GK2: variants seen among roughly 807,000 people sequenced by gnomAD.
The protein encoded by GK2 is glycerol kinase 2.
In GK2, 10 loss-of-function variants were observed where a neutral mutation model predicts 9.5. That is an observed-to-expected ratio of 1.05 (90% CI 0.65 to 1.78). The LOEUF is 1.78. GK2 is among the 40% of genes most tolerant of loss of function. The probability of loss-of-function intolerance (pLI) is 0.00; values close to 1 mark genes in which losing one functional copy is unlikely to be tolerated. For missense variants in GK2, 643 were observed against 669.0 expected (o/e 0.96, Z 0.43); for synonymous variants, 228 against 229.9 (o/e 0.99, Z 0.07).
Position 79,406,489 on chromosome 4 carries a change from G to T in GK2, c.*50C>A. ...ATATTAAGAGGCAGAACTGCTATAT[G>T]CTTTCATTATGTAAAATGTTTACAT... On this transcript the variant is annotated 3_prime_UTR_variant, in exon 1 of 1. Coordinates refer to ENST00000358842, the MANE Select transcript of GK2 (RefSeq NM_033214.3). 9.0e-7 allele frequency: 1 copy of T among 1,110,952 alleles called. No individual in the cohort carries two copies. The highest frequency in any genetic ancestry group is 1.3e-6 in the Non-Finnish European group (1 of 746,938). The allele number at this position is 1,110,952 out of a possible 1,614,324, so 68.8% of individuals were successfully genotyped here. A position where few individuals can be genotyped will look rare whatever the true frequency, so the allele number is the denominator to read the frequency against.
At position 79,406,701 on chromosome 4, in the gene GK2, A is replaced by G; in HGVS notation, c.1500T>C (p.Tyr500=). 2 of 1,614,216 alleles carry G rather than the reference A, an allele frequency of 1.2e-6. No homozygotes were observed. Among genetic ancestry groups the G allele is most frequent in the Middle Eastern group, 1.6e-4 (1 of 6,062 alleles). The change falls in exon 1 of 1, where the codon TAT becomes TAC. Residue 500 remains tyrosine, a synonymous_variant. Coordinates refer to ENST00000358842, the MANE Select transcript of GK2 (RefSeq NM_033214.3). ...QIQATESEIR[Y]ATWKKAVMKS... ...TCATTACGGCTTTCTTCCATGTGGCATAACGAATTTCACTTTCTGTGGCCT... is the reference window on the plus strand; with the variant it reads ...TCATTACGGCTTTCTTCCATGTGGCGTAACGAATTTCACTTTCTGTGGCCT...
At position 79,407,084 on chromosome 4, in the gene GK2, C is replaced by T; in HGVS notation, c.1117G>A (p.Glu373Lys). 1 of 1,614,102 alleles carries T rather than the reference C, an allele frequency of 6.2e-7. No individual in the cohort carries two copies. Among genetic ancestry groups the T allele is most frequent in the Middle Eastern group, 1.6e-4 (1 of 6,062 alleles). ...CAGAGTATCCCTCTTGCACTGGGCT[C>T]CCAATAAGGTGCATATAACCCTGAA... is the stretch of plus-strand genomic sequence containing the variant. The part of the protein sequence containing the change: ...AFSGLYAPYW[E>K]PSARGILCGL... The change falls in exon 1 of 1, where the codon GAG becomes AAG. Residue 373 changes from glutamate (E) to lysine (K), a missense_variant. Physicochemically the swap from Glu to Lys is moderately conservative, Grantham distance 56. Coordinates refer to ENST00000358842, the MANE Select transcript of GK2 (RefSeq NM_033214.3).
chr4:79,407,644 A>G lies in GK2; in HGVS notation c.557T>C (p.Leu186Ser). The G allele has an allele frequency of 6.2e-7, 1 of 1,614,208 alleles. No individual in the cohort carries two copies. Among genetic ancestry groups the G allele is most frequent in the Non-Finnish European group, 8.5e-7 (1 of 1,180,034 alleles). ...CACGCCTCCATTAACTCCTCCTGTC[A>G]AACTCCAGATAAGCCATGAATCAAT... ...GTIDSWLIWS[L>S]TGGVNGGVHC... The change falls in exon 1 of 1, where the codon TTG becomes TCG. Residue 186 changes from leucine to serine, a missense_variant. Physicochemically the swap from Leu to Ser is moderately radical, Grantham distance 145. Transcript: ENST00000358842.
rs147312231 is a variant in GK2, at chr4:79,406,542, T to C, written c.1659A>G (p.Pro553=). 2.2e-5 allele frequency: 35 copies of C among 1,588,486 alleles called. No individual in the cohort carries two copies. In the African/African-American group the frequency reaches 3.4e-4, roughly 15 times the overall value. Residue 553 remains proline, a synonymous_variant, in exon 1 of 1, where the codon CCA becomes CCG. Transcript: ENST00000358842. The stretch of plus-strand genomic sequence containing the variant: ...TGGGACTCCATAGCTGGTATTATTA[T>C]GGCACACCCGAGATATATCTTGCTC... ...LIGARYISGV[P] is the part of the protein sequence containing the mutation.
chr4:79,406,907 T>C lies in GK2; in HGVS notation c.1294A>G (p.Lys432Glu), dbSNP rs1395350552. 3 of 1,614,130 alleles carry C rather than the reference T, an allele frequency of 1.9e-6. No homozygotes were observed. The highest frequency in any genetic ancestry group is 1.3e-5 in the African/African-American group (1 of 74,942). The stretch of plus-strand genomic sequence containing the variant: ...TCTGCTTGTAGCTGCATAAGAACTT[T>C]GTTGTTGGTCATTCCTCCATCTACC... ...LQVDGGMTNNKVLMQLQADIL... is the reference protein window; with the variant it reads ...LQVDGGMTNNEVLMQLQADIL... Residue 432 changes from lysine (K) to glutamate (E), a missense_variant, in exon 1 of 1, where the codon AAA becomes GAA. Lys to Glu is a moderately conservative substitution (Grantham distance 56). Transcript: ENST00000358842.
Position 79,407,831 on chromosome 4 carries a change from C to A in GK2, c.370G>T (p.Glu124Ter). The A allele has an allele frequency of 6.2e-7, 1 of 1,614,132 alleles. No homozygotes were observed. The highest frequency in any genetic ancestry group is 1.1e-5 in the South Asian group (1 of 91,086). Residue 124 changes from glutamate (E) to a stop codon, truncating the protein, a stop_gained, in exon 1 of 1, where the codon GAG (glutamate) becomes TAG (stop). Coordinates refer to ENST00000358842, the MANE Select transcript of GK2 (RefSeq NM_033214.3). LOFTEE classifies it high-confidence loss of function. ...CCTGGAATTTTTTTACTAAGATCCT[C>A]AACAGTAGTCTGGGTTCTTAGATCA... Reference protein sequence around the residue: ...WLDLRTQTTVEDLSKKIPGNS... With the variant: ...WLDLRTQTTV
chr4:79,406,454 T>G lies in GK2; in HGVS notation c.*85A>C, dbSNP rs1436699427. 4 of 794,562 alleles carry G rather than the reference T, an allele frequency of 5.0e-6. No homozygotes were observed. Among genetic ancestry groups the G allele is most frequent in the Non-Finnish European group, 8.2e-6 (4 of 485,720 alleles). 49.2% of individuals were successfully genotyped at this position (794,562 alleles called of 1,614,324 possible). On this transcript the variant is annotated 3_prime_UTR_variant, in exon 1 of 1. Coordinates refer to ENST00000358842, the MANE Select transcript of GK2 (RefSeq NM_033214.3). ...TTATAAACAAAATCAGAGTCTATAA[T>G]AGTGTCATTATATTAAGAGGCAGAA... is the stretch of plus-strand genomic sequence containing the variant.
chr4:79,407,358 T>G lies in GK2; in HGVS notation c.843A>C (p.Thr281=). The G allele has an allele frequency of 1.9e-6, 3 of 1,614,216 alleles. No individual in the cohort carries two copies. The East Asian group carries it at 6.7e-5, about 36-fold the overall frequency. ...CCGTATTACACAGTAAGAAGCAACC[T>G]GTTCCATAGGTGTTTTTGGCTTGTC... ...QEGQAKNTYG[T]GCFLLCNTGR... is the part of the protein sequence containing the mutation. The change falls in exon 1 of 1, where the codon ACA becomes ACC. Residue 281 remains threonine, a synonymous_variant. Coordinates refer to ENST00000358842, the MANE Select transcript of GK2 (RefSeq NM_033214.3).
chr4:79,407,037 A>C lies in GK2; in HGVS notation c.1164T>G (p.Asn388Lys). ...GILCGLTQFT[N>K]KCHIAFAALE... ...ATGCAGCAAAAGCAATATGACATTT[A>C]TTGGTAAACTGAGTGAGGCCACAGA... The change falls in exon 1 of 1, where the codon AAT (asparagine) becomes AAG (lysine). Residue 388 changes from asparagine to lysine, a missense_variant. Transcript: ENST00000358842. The C allele has an allele frequency of 6.2e-7, 1 of 1,614,190 alleles. No homozygotes were observed. Among genetic ancestry groups the C allele is most frequent in the Non-Finnish European group, 8.5e-7 (1 of 1,180,028 alleles).
chr4:79,407,078 T>G lies in GK2; in HGVS notation c.1123A>C (p.Ser375Arg), dbSNP rs1278955964. The G allele has an allele frequency of 1.1e-5, 17 of 1,614,088 alleles. No individual in the cohort carries two copies. Among genetic ancestry groups the G allele is most frequent in the Middle Eastern group, 3.3e-4 (2 of 6,084 alleles). The part of the protein sequence containing the change: ...SGLYAPYWEP[S>R]ARGILCGLTQ... ...AGGCCACAGAGTATCCCTCTTGCAC[T>G]GGGCTCCCAATAAGGTGCATATAAC... The change falls in exon 1 of 1, where the codon AGT (serine) becomes CGT (arginine). Residue 375 changes from serine (S) to arginine (R), a missense_variant. Coordinates refer to ENST00000358842, the MANE Select transcript of GK2 (RefSeq NM_033214.3).
rs1725899794 is a variant in GK2 at position 79,408,215 on chromosome 4, G to A, written c.-15C>T. 1.3e-6 allele frequency: 2 copies of A among 1,556,840 alleles called. No individual in the cohort carries two copies. The highest frequency in any genetic ancestry group is 4.5e-5 in the East Asian group (2 of 44,560). On this transcript the variant is annotated 5_prime_UTR_variant, in exon 1 of 1. Transcript: ENST00000358842. ...GGGGCTGCCATGACACCAGTAGGTCGGCTCAGCAGCTCTGGGACCGTTTCC... is the reference window on the plus strand; with the variant it reads ...GGGGCTGCCATGACACCAGTAGGTCAGCTCAGCAGCTCTGGGACCGTTTCC...
chr4:79,406,555 A>G lies in GK2; in HGVS notation c.1646T>C (p.Ile549Thr). The change falls in exon 1 of 1, where the codon ATC (isoleucine) becomes ACC (threonine). Residue 549 changes from isoleucine (I) to threonine (T), a missense_variant. Coordinates refer to ENST00000358842, the MANE Select transcript of GK2 (RefSeq NM_033214.3). ...SMVMLIGARY[I>T]SGVP ...CTGGTATTATTATGGCACACCCGAG[A>G]TATATCTTGCTCCAATTAGCATTAC... 6.2e-7 allele frequency: 1 copy of G among 1,606,596 alleles called. No individual in the cohort carries two copies. The highest frequency in any genetic ancestry group is 8.5e-7 in the Non-Finnish European group (1 of 1,173,372).
Position 79,406,648 on chromosome 4 carries a change from G to A in GK2, c.1553C>T (p.Ser518Phe). The A allele has an allele frequency of 1.9e-6, 3 of 1,613,730 alleles. No homozygotes were observed. The highest frequency in any genetic ancestry group is 2.2e-5 in the South Asian group (2 of 91,066). Residue 518 changes from serine (S) to phenylalanine (F), a missense_variant, in exon 1 of 1, where the codon TCT becomes TTT. Transcript: ENST00000358842. The stretch of plus-strand genomic sequence containing the variant: ...GATAGAAGGATCACCACCTTCAGGA[G>A]ACTGACTGGTAACCCAACCCATTGA... ...MKSMGWVTSQSPEGGDPSIFS... is the reference protein window; with the variant it reads ...MKSMGWVTSQFPEGGDPSIFS...
In GK2 at chr4:79,406,864, A is replaced by C; in HGVS notation, c.1337T>G (p.Val446Gly). ...TGTTTCAGGCATAAAGGGTTTTATT[A>C]CTGGAATATGAAGAATATCTGCTTG... The part of the protein sequence containing the change: ...QLQADILHIP[V>G]IKPFMPETTA... Residue 446 changes from valine (V) to glycine (G), a missense_variant, in exon 1 of 1, where the codon GTA (valine) becomes GGA (glycine). Physicochemically the swap from Val to Gly is moderately radical, Grantham distance 109. Coordinates refer to ENST00000358842, the MANE Select transcript of GK2 (RefSeq NM_033214.3). 6.2e-7 allele frequency: 1 copy of C among 1,614,186 alleles called. No individual in the cohort carries two copies. The highest frequency in any genetic ancestry group is 1.1e-5 in the South Asian group (1 of 91,084).
Position 79,407,604 on chromosome 4 carries a change from T to C in GK2, c.597A>G (p.Val199=). 6.2e-7 allele frequency: 1 copy of C among 1,613,778 alleles called. No homozygotes were observed. The highest frequency in any genetic ancestry group is 1.1e-5 in the South Asian group (1 of 91,074). Residue 199 remains valine (V), a synonymous_variant, in exon 1 of 1, where the codon GTA becomes GTG. Coordinates refer to ENST00000358842, the MANE Select transcript of GK2 (RefSeq NM_033214.3). The stretch of plus-strand genomic sequence containing the variant: ...AAAGCATTGTCCTACTTGCATTTGT[T>C]ACATCTGTACAATGCACGCCTCCAT... ...GVNGGVHCTD[V]TNASRTMLFN... is the part of the protein sequence containing the mutation.
Position 79,406,552 on chromosome 4 carries a change from G to A in GK2, c.1649C>T (p.Ser550Leu), listed in dbSNP as rs536094689. ...MVMLIGARYI[S>L]GVP ...TAGCTGGTATTATTATGGCACACCCGAGATATATCTTGCTCCAATTAGCAT... is the reference window on the plus strand; with the variant it reads ...TAGCTGGTATTATTATGGCACACCCAAGATATATCTTGCTCCAATTAGCAT... The change falls in exon 1 of 1, where the codon TCG (serine) becomes TTG (leucine). Residue 550 changes from serine to leucine, a missense_variant. By Grantham distance (145) the Ser-to-Leu change is moderately radical (BLOSUM62 -2). Coordinates refer to ENST00000358842, the MANE Select transcript of GK2 (RefSeq NM_033214.3). 3.7e-6 allele frequency: 6 copies of A among 1,602,052 alleles called. No individual in the cohort carries two copies. The highest frequency in any genetic ancestry group is 1.1e-5 in the South Asian group (1 of 90,688).
Position 79,407,621 on chromosome 4 carries a change from C to A in GK2, c.580G>T (p.Val194Leu), listed in dbSNP as rs1384207163. The change falls in exon 1 of 1, where the codon GTG (valine) becomes TTG (leucine). Residue 194 changes from valine to leucine, a missense_variant. Transcript: ENST00000358842. Reference sequence around the variant, plus strand: ...GCATTTGTTACATCTGTACAATGCACGCCTCCATTAACTCCTCCTGTCAAA... The same window carrying A: ...GCATTTGTTACATCTGTACAATGCAAGCCTCCATTAACTCCTCCTGTCAAA... ...WSLTGGVNGG[V>L]HCTDVTNASR... The A allele has an allele frequency of 6.2e-7, 1 of 1,613,836 alleles. No homozygotes were observed. The highest frequency in any genetic ancestry group is 1.1e-5 in the South Asian group (1 of 91,076).
In GK2 at chr4:79,406,611, C is replaced by T. The variant is rs754769311; in HGVS notation, c.1590G>A (p.Leu530=). The T allele has an allele frequency of 1.9e-6, 3 of 1,613,868 alleles. No homozygotes were observed. Among genetic ancestry groups the T allele is most frequent in the Middle Eastern group, 1.6e-4 (1 of 6,082 alleles). Residue 530 remains leucine (L), a synonymous_variant, in exon 1 of 1, where the codon CTG becomes CTA. Coordinates refer to ENST00000358842, the MANE Select transcript of GK2 (RefSeq NM_033214.3). ...TACTCACTATAAAAAATCCCAAAGG[C>T]AGACTAGAGAAGATAGAAGGATCAC... is the stretch of plus-strand genomic sequence containing the variant. The part of the protein sequence containing the change: ...EGGDPSIFSS[L]PLGFFIVSSM...
chr4:79,407,819 T>A lies in GK2; in HGVS notation c.382A>T (p.Lys128Ter), dbSNP rs1223446562. 2 of 1,614,200 alleles carry A rather than the reference T, an allele frequency of 1.2e-6. No individual in the cohort carries two copies. The highest frequency in any genetic ancestry group is 1.7e-6 in the Non-Finnish European group (2 of 1,180,042). The change falls in exon 1 of 1, where the codon AAA becomes TAA. Residue 128 changes from lysine to a stop codon, truncating the protein, a stop_gained. Coordinates refer to ENST00000358842, the MANE Select transcript of GK2 (RefSeq NM_033214.3). LOFTEE classifies it high-confidence loss of function. ...RTQTTVEDLS[K>*]KIPGNSNFVK... is the part of the protein sequence containing the mutation. ...AAGTTACTATTTCCTGGAATTTTTT[T>A]ACTAAGATCCTCAACAGTAGTCTGG...
Sources: allele counts gnomAD v4.1 joint callset, GRCh38; gene constraint gnomAD v4.1.1; transcripts MANE v1.5; gene names NCBI Gene and HGNC (gene_info 2026-07-23, HGNC 2026-07-21).